The following TTC3 variants were observed in gnomAD, a reference collection of about 807,000 sequenced individuals.
TTC3 encodes tetratricopeptide repeat domain 3, also known as E3 ubiquitin-protein ligase TTC3.
TTC3 carries 180 observed loss-of-function variants against 249.6 expected under a neutral mutation model. The ratio of observed to expected loss-of-function variants is 0.72; its 90% CI spans 0.64 to 0.82. The LOEUF is 0.82. Ranked by LOEUF, TTC3 falls within the 40% of genes least tolerant of loss-of-function variation. The probability of loss-of-function intolerance (pLI) is 0.00; values close to 1 mark genes in which losing one functional copy is unlikely to be tolerated. For synonymous variants in TTC3, 717 were observed against 805.0 expected (o/e 0.89, Z 1.85); for missense variants, 2,061 against 2,398.4 (o/e 0.86, Z 2.94).
chr21:37,128,866 C>G (rs2077243720), intron 15 of TTC3, 137 bp from the exon 16 acceptor site: 4 of 442,676 alleles, frequency 9.0e-6, no homozygotes, highest in Non-Finnish European at 1.6e-5. Flanking sequence ...TTTGGCTTAC[C>G]CTTTTGTAGT....
chr21:37,166,033 G>A (rs2081224777), exon 33 of TTC3: 1 of 1,613,982 alleles, frequency 6.2e-7, no homozygotes, highest in African/African-American at 1.3e-5. Context: ...AACCCAAAGG[G>A]GTCTCTTCTA....
At chr21:37,075,610 C>G (rs1366365165) in intron 1 of TTC3, among the ~76,000 whole-genome samples, 1 of 152,172 alleles carries the variant, frequency 6.6e-6, no homozygotes, top group Non-Finnish European at 1.5e-5. Context: ...CTTTACTGAC[C>G]AGCTTCCTTA....
intron 1 of TTC3, among the ~76,000 whole-genome samples, chr21:37,084,991 T>TCAAACAAACAAACAAA (rs71328551): frequency 1.3e-5 from 2 of 151,356 alleles, no homozygotes; most frequent in Admixed American, 6.6e-5. Flanking sequence ...AGACTGTGTC[T>TCAAACAAACAAACAAA]CAAACAAACA....
intron 11 of TTC3, among the ~76,000 whole-genome samples, chr21:37,116,834 T>A (rs182307469): frequency 0.012 from 1,805 of 149,294 alleles, 14 homozygotes; most frequent in Non-Finnish European, 0.017. Context: ...AATAAATAAA[T>A]TTTTTTTTAA....
At chr21:37,144,058 A>G (rs1052602995) in intron 20 of TTC3, among the ~76,000 whole-genome samples, 5 of 151,732 alleles carry the variant, frequency 3.3e-5, no homozygotes, top group East Asian at 3.9e-4. Flanking sequence ...ACACATGGAC[A>G]CAGGAAGGGG....
At position 37,087,402 on chromosome 21, in the gene TTC3, G is replaced by GTAAT; in HGVS notation, c.144+4_144+5insTTAA. ...GACTCAGCTTTACTGTGATGGGGTG[G>GTAAT]TAAGTAGGTTTGCTAATTTTTCATT... On this transcript the variant is annotated splice_donor_variant, in intron 2 of 45. Transcript: ENST00000355666. LOFTEE classifies it high-confidence loss of function. 6.2e-7 allele frequency: 1 copy of GTAAT among 1,613,262 alleles called. No homozygotes were observed. Among genetic ancestry groups the GTAAT allele is most frequent in the Non-Finnish European group, 8.5e-7 (1 of 1,179,628 alleles).
chr21:37,137,581 A>G (rs1343790920), intron 18 of TTC3, among the ~76,000 whole-genome samples: 1 of 152,134 alleles, frequency 6.6e-6, no homozygotes, highest in Admixed American at 6.5e-5. Context: ...ATACATGAAC[A>G]AAAAAAGTCA....
chr21:37,157,234 G>A (rs2080191096), intron 28 of TTC3: 1 of 1,291,992 alleles, frequency 7.7e-7, no homozygotes, highest in Non-Finnish European at 1.0e-6. Flanking sequence ...TTGATTTATA[G>A]CATTTTAGAA....
chr21:37,146,781 C>A (rs1443709304), intron 21 of TTC3, among the ~76,000 whole-genome samples: 1 of 152,184 alleles, frequency 6.6e-6, no homozygotes, highest in Non-Finnish European at 1.5e-5. Flanking sequence ...GTGATGTCAG[C>A]ACATCCTGTG....
chr21:37,181,251 A>G (rs1163217986), intron 35 of TTC3, among the ~76,000 whole-genome samples: 1 of 151,968 alleles, frequency 6.6e-6, no homozygotes, highest in East Asian at 1.9e-4. Context: ...TGATACTTGA[A>G]CTCCCTTAGG....
chr21:37,191,437 C>T lies in TTC3; in HGVS notation c.5115+13C>T. The T allele has an allele frequency of 1.3e-6, 2 of 1,519,682 alleles. No homozygotes were observed. Among genetic ancestry groups the T allele is most frequent in the Non-Finnish European group, 1.8e-6 (2 of 1,120,858 alleles). The allele number at this position is 1,519,682 out of a possible 1,614,324, so 94.1% of individuals were successfully genotyped here. ...TGAGAAAGCAAAGGTAAGTTGTAAA[C>T]ATCTTTTAATCCCATCAAAATCTTT... On this transcript the variant is annotated intron_variant, in intron 40 of 45. Coordinates refer to ENST00000355666, the Ensembl canonical transcript of TTC3.
chr21:37,084,538 C>G (rs967267368), intron 1 of TTC3, among the ~76,000 whole-genome samples: 1 of 152,128 alleles, frequency 6.6e-6, no homozygotes, highest in Admixed American at 6.5e-5. Context: ...GTATCGTTAT[C>G]CCCATTTGAT....
intron 22 of TTC3, 129 bp downstream of exon 22, chr21:37,147,732 T>C (rs2079100877): frequency 9.9e-6 from 2 of 201,064 alleles, no homozygotes; most frequent in African/African-American, 3.0e-5. Flanking sequence ...TTTCCCAGGA[T>C]TTTTTTTTTT....
At chr21:37,085,971 A>G (rs2072413005) in intron 1 of TTC3, 1 of 152,228 alleles carries the variant, frequency 6.6e-6, no homozygotes, top group South Asian at 2.1e-4. Context: ...TTAAGTGAGC[A>G]TTTTCCCATC....
intron 29 of TTC3, 100 bp downstream of exon 29, chr21:37,159,845 A>T: frequency 8.9e-7 from 1 of 1,123,546 alleles, no homozygotes; most frequent in Non-Finnish European, 1.3e-6. Flanking sequence ...CACAGCCAGC[A>T]TTCAAGAACC....
chr21:37,081,210 T>C (rs10154036), intron 1 of TTC3, among the ~76,000 whole-genome samples: 67,630 of 146,238 alleles, frequency 0.46, 15,906 homozygotes, highest in Non-Finnish European at 0.52. Context: ...CTCCGCCTCC[T>C]GGATTCAAGC....
chr21:37,094,349 T>G (rs1370071505), intron 8 of TTC3, among the ~76,000 whole-genome samples: 5 of 152,202 alleles, frequency 3.3e-5, no homozygotes, highest in Admixed American at 6.5e-5. Flanking sequence ...TGAGATGTAA[T>G]TCATGTGCTA....
rs764225051 is a variant in TTC3, at chr21:37,192,115, C to T, written c.5119C>T (p.Gln1707Ter). ...ACACTTTACTTTCTACTCACAGTCT[C>T]AGTTTGAAGAACAAATTAAGGCAAT... Residue 1707 changes from glutamine (Q) to a stop codon, truncating the protein, a stop_gained, in exon 41 of 46, where the codon CAG becomes TAG. Transcript: ENST00000355666. LOFTEE classifies it high-confidence loss of function. 3.1e-6 allele frequency: 5 copies of T among 1,594,498 alleles called. No homozygotes were observed. Among genetic ancestry groups the T allele is most frequent in the Admixed American group, 3.5e-5 (2 of 56,554 alleles).
exon 27 of TTC3, chr21:37,153,138 T>C (rs571711243): frequency 1.2e-6 from 2 of 1,614,042 alleles, no homozygotes; most frequent in Non-Finnish European, 1.7e-6. Context: ...ATTTTCTAAA[T>C]GAAGCAGTGG....
Sources: allele counts gnomAD v4.1 joint callset (sites outside exome capture counted in the v4.1 genomes callset), GRCh38; gene constraint gnomAD v4.1.1; transcripts MANE v1.5; gene names NCBI Gene and HGNC (gene_info 2026-07-23, HGNC 2026-07-21).